The following GLIS3 variants were observed in gnomAD, a reference collection of about 807,000 sequenced individuals.
The protein encoded by GLIS3 is GLIS family zinc finger 3.
In GLIS3, 53 loss-of-function variants were observed where a neutral mutation model predicts 78.6. The observed-to-expected ratio is 0.67, with a 90% CI of 0.54 to 0.85. GLIS3 has a LOEUF of 0.85. Ranked by LOEUF, GLIS3 falls within the 40% of genes least tolerant of loss-of-function variation. The pLI is 0.00. For missense variants in GLIS3, 1,703 were observed against 1,231.1 expected, an observed-to-expected ratio of 1.38 and a Z score of -5.74; for synonymous variants, 684 against 509.9, an observed-to-expected ratio of 1.34 and a Z score of -4.60.
intron 4 of GLIS3, among the ~76,000 whole-genome samples, chr9:3,951,953 T>G (rs1365637646): frequency 1.3e-5 from 2 of 151,606 alleles, no homozygotes; most frequent in African/African-American, 4.9e-5. Context: ...AAGACAGATC[T>G]GGGATCCGGC....
In GLIS3 at chr9:4,027,191, C is replaced by G. The variant is rs1173927964; in HGVS notation, c.1711-90002G>C. 2.0e-5 allele frequency among the ~76,000 whole-genome samples: 3 copies of G among 152,192 alleles called. No homozygotes were observed. In the East Asian group the frequency reaches 5.8e-4, roughly 29 times the overall value. On this transcript the variant is annotated intron_variant, in intron 4 of 10. Coordinates refer to ENST00000381971, the MANE Select transcript of GLIS3 (RefSeq NM_001042413.2). Reference sequence around the variant, plus strand: ...CTGGGATGCAATGTTAGCAACCTGGCTAAAAGTACACATTTATTTAACTGA... The same window carrying G: ...CTGGGATGCAATGTTAGCAACCTGGGTAAAAGTACACATTTATTTAACTGA...
intron 4 of GLIS3, among the ~76,000 whole-genome samples, chr9:4,025,675 T>C (rs973192028): frequency 2.0e-5 from 3 of 152,180 alleles, no homozygotes; most frequent in Non-Finnish European, 4.4e-5. Context: ...TGTGAGCCAC[T>C]GTGCCTGGCC....
chr9:4,010,628 C>T (rs1298089523), intron 4 of GLIS3, among the ~76,000 whole-genome samples: 1 of 152,174 alleles, frequency 6.6e-6, no homozygotes, highest in East Asian at 1.9e-4. Context: ...CCGTGAAAAT[C>T]GCCTGCTTTG....
At chr9:4,423,832 TATA>T in the GLIS3 span, among the ~76,000 whole-genome samples, 2 of 152,204 alleles carry the variant, frequency 1.3e-5, no homozygotes, top group Admixed American at 1.3e-4. Flanking sequence ...AACACATACT[TATA>T]ATGTCAGAAG....
the GLIS3 span, among the ~76,000 whole-genome samples, chr9:4,464,161 G>A: frequency 1.3e-5 from 2 of 151,940 alleles, no homozygotes; most frequent in Admixed American, 6.6e-5. Context: ...AAGGAGAACA[G>A]CTCAGCTTAT....
chr9:3,975,565 A>ATT lies in GLIS3; in HGVS notation c.1711-38378_1711-38377dup, dbSNP rs144520900. On this transcript the variant is annotated intron_variant, in intron 4 of 10. Coordinates refer to ENST00000381971, the MANE Select transcript of GLIS3 (RefSeq NM_001042413.2). ...TGTGTTTCTGCATTTGCATTGCATC[A>ATT]TTTTTTTTTTTTTTGAGAAGCAAAA... is the stretch of plus-strand genomic sequence containing the variant. Among the ~76,000 whole-genome samples, 528 of 144,866 alleles carry ATT rather than the reference A, an allele frequency of 3.6e-3. 2 individuals carry two copies. Among genetic ancestry groups the ATT allele is most frequent in the East Asian group, 9.6e-3 (48 of 5,020 alleles).
intron 4 of GLIS3, among the ~76,000 whole-genome samples, chr9:4,114,493 C>T (rs4740751): frequency 0.19 from 29,258 of 152,000 alleles, 3,071 homozygotes; most frequent in Admixed American, 0.27. Context: ...TAATAGAATT[C>T]AACAGTTATA....
rs750454441 is a variant in GLIS3, at chr9:3,965,188, C to CTTTTTTTTTTTTTTTTTTT, written c.1711-28000_1711-27999insAAAAAAAAAAAAAAAAAAA. ...TACTTCTTTTCTATTTCTTTCTTTT[C>CTTTTTTTTTTTTTTTTTTT]TTTTCTTTTTTTTTTTTTTTTTTTG... On this transcript the variant is annotated intron_variant, in intron 4 of 10. Transcript: ENST00000381971. Among the ~76,000 whole-genome samples, 65 of 99,004 alleles carry CTTTTTTTTTTTTTTTTTTT rather than the reference C, an allele frequency of 6.6e-4. 5 individuals carry two copies. The highest frequency in any genetic ancestry group is 1.3e-3 in the African/African-American group (32 of 25,354). 65.0% of individuals were successfully genotyped at this position (99,004 alleles called of 152,430 possible).
chr9:4,106,812 A>G (rs566388487), intron 4 of GLIS3, among the ~76,000 whole-genome samples: 1 of 152,332 alleles, frequency 6.6e-6, no homozygotes, highest in Admixed American at 6.5e-5. Context: ...GATAATGAGC[A>G]GATCTCCCTT....
the GLIS3 span, among the ~76,000 whole-genome samples, chr9:4,424,472 T>A: frequency 6.6e-6 from 1 of 152,192 alleles, no homozygotes; most frequent in South Asian, 2.1e-4. Flanking sequence ...GAGAAAATAA[T>A]CTTTAAAGGT....
At chr9:3,893,433 A>G (rs1822595402) in intron 7 of GLIS3, among the ~76,000 whole-genome samples, 1 of 152,200 alleles carries the variant, frequency 6.6e-6, no homozygotes, top group East Asian at 1.9e-4. Context: ...GCTGGGAATC[A>G]GAGTCTTCAT....
intron 2 of GLIS3, among the ~76,000 whole-genome samples, chr9:4,330,827 T>A (rs1176186378): frequency 6.6e-6 from 1 of 152,108 alleles, no homozygotes; most frequent in African/African-American, 2.4e-5. Context: ...CTTTTCAGAA[T>A]CATCCACCAC....
At chr9:4,396,823 G>A in the GLIS3 span, among the ~76,000 whole-genome samples, 1 of 152,166 alleles carries the variant, frequency 6.6e-6, no homozygotes, top group East Asian at 1.9e-4. Flanking sequence ...AGTCCATTGA[G>A]TTACGGGCTT....
intron 2 of GLIS3, among the ~76,000 whole-genome samples, chr9:4,343,284 G>C (rs902029684): frequency 1.3e-5 from 2 of 152,216 alleles, no homozygotes; most frequent in African/African-American, 4.8e-5. Context: ...CGAGGCTTCA[G>C]TAAGCTCTGA....
chr9:4,337,210 G>T (rs7044059), intron 2 of GLIS3, among the ~76,000 whole-genome samples: 62,401 of 152,042 alleles, frequency 0.41, 13,969 homozygotes, highest in South Asian at 0.5. Flanking sequence ...CTCATTCTGG[G>T]ACACAGTCCT....
chr9:4,024,971 A>T (rs1000622790), intron 4 of GLIS3, among the ~76,000 whole-genome samples: 18 of 152,158 alleles, frequency 1.2e-4, no homozygotes, highest in Admixed American at 5.9e-4. Context: ...ACTCAAGGCT[A>T]GGCACGGTGG....
At chr9:4,089,797 C>CA (rs1439858520) in intron 4 of GLIS3, among the ~76,000 whole-genome samples, 4 of 151,974 alleles carry the variant, frequency 2.6e-5, no homozygotes, top group Non-Finnish European at 1.5e-5. Context: ...CTAGCCTGGG[C>CA]AACAAACAAG....
chr9:3,846,251 A>T (rs746344364), intron 9 of GLIS3, among the ~76,000 whole-genome samples: 1 of 152,184 alleles, frequency 6.6e-6, no homozygotes, highest in Non-Finnish European at 1.5e-5. Flanking sequence ...AAAAATTTCC[A>T]TAATACTGTA....
chr9:4,213,892 G>T (rs1820583993), intron 2 of GLIS3, among the ~76,000 whole-genome samples: 2 of 148,264 alleles, frequency 1.3e-5, no homozygotes, highest in South Asian at 2.1e-4. Flanking sequence ...TGGAGGTTAT[G>T]CTTTAATAGG....
Sources: gnomAD v4.1 joint callset for allele counts (sites outside exome capture counted in the v4.1 genomes callset) on GRCh38, gnomAD v4.1.1 for gene constraint, MANE v1.5 for transcripts, NCBI Gene and HGNC (gene_info 2026-07-23, HGNC 2026-07-21) for gene names.